Variants in KIF6 observed in about 807,000 individuals in gnomAD.
KIF6 encodes kinesin family member 6.
Under a neutral mutation model 112.7 loss-of-function variants are expected in KIF6, and 106 were observed. The observed-to-expected ratio is 0.94, with a 90% CI of 0.80 to 1.11. The LOEUF is 1.11. KIF6 is among the 50% of genes least tolerant of loss of function. The pLI, the probability that KIF6 is intolerant of heterozygous loss-of-function variation, is 0.00. For missense variants in KIF6, 929 were observed against 964.0 expected (o/e 0.96, Z 0.48); for synonymous variants, 339 against 339.9 (o/e 1.00, Z 0.03).
chr6:39,346,163 T>TCTCTCTCTC (rs1763789592), intron 20 of KIF6, among the ~76,000 whole-genome samples: 1 of 94,694 alleles, frequency 1.1e-5, no homozygotes, highest in African/African-American at 4.4e-5. Context: ...CTCTCTCTCT[T>TCTCTCTCTC]TCTCTCCTAT....
At chr6:39,593,927 C>T (rs373016484) in intron 7 of KIF6, among the ~76,000 whole-genome samples, 7 of 152,214 alleles carry the variant, frequency 4.6e-5, no homozygotes, top group South Asian at 2.1e-4. Context: ...TTAAAGATTA[C>T]ATCTTTAATT....
chr6:39,419,196 T>G (rs890970579), intron 15 of KIF6, among the ~76,000 whole-genome samples: 1 of 151,248 alleles, frequency 6.6e-6, no homozygotes, highest in Non-Finnish European at 1.5e-5. Flanking sequence ...TCTACTAAAA[T>G]CACAAAAATT....
chr6:39,439,956 TTGACAAAAGTACAA>T (rs1479259342), intron 13 of KIF6, among the ~76,000 whole-genome samples: 1 of 152,360 alleles, frequency 6.6e-6, no homozygotes, highest in East Asian at 1.9e-4. Context: ...TGCTTAAAAA[TTGACAAAAGTACAA>T]TGATGGAGAG....
At chr6:39,401,662 A>G (rs1386533784) in intron 15 of KIF6, among the ~76,000 whole-genome samples, 3 of 151,724 alleles carry the variant, frequency 2.0e-5, no homozygotes, top group Admixed American at 6.6e-5. Flanking sequence ...CCTGCCCCAC[A>G]TATATCTCTT....
chr6:39,510,333 C>T (rs1031692766), intron 13 of KIF6, among the ~76,000 whole-genome samples: 6 of 152,160 alleles, frequency 3.9e-5, no homozygotes, highest in South Asian at 2.1e-4. Flanking sequence ...ACCTCATGAT[C>T]CATCTGCCTC....
At chr6:39,448,560 C>T (rs182312212) in intron 13 of KIF6, among the ~76,000 whole-genome samples, 4 of 152,166 alleles carry the variant, frequency 2.6e-5, no homozygotes, top group Non-Finnish European at 5.9e-5. Context: ...AATATGCAGT[C>T]GGTGAAACAG....
chr6:39,633,693 GCAGT>G (rs956742902), intron 5 of KIF6, among the ~76,000 whole-genome samples: 5 of 152,196 alleles, frequency 3.3e-5, no homozygotes, highest in African/African-American at 9.6e-5. Flanking sequence ...CTAGCATTCA[GCAGT>G]CATTCTCAAT....
chr6:39,661,852 T>G (rs1209976591), intron 3 of KIF6, among the ~76,000 whole-genome samples: 1 of 152,182 alleles, frequency 6.6e-6, no homozygotes, highest in African/African-American at 2.4e-5. Context: ...GAGCCATCTT[T>G]GAAAAATACA....
At chr6:39,550,860 A>G (rs879167137) in intron 10 of KIF6, among the ~76,000 whole-genome samples, 36 of 152,238 alleles carry the variant, frequency 2.4e-4, no homozygotes, top group Admixed American at 9.2e-4. Flanking sequence ...CTAAAGCTAC[A>G]TATTACCTGA....
intron 16 of KIF6, among the ~76,000 whole-genome samples, chr6:39,376,921 G>A (rs1766485104): frequency 6.6e-6 from 1 of 152,174 alleles, no homozygotes; most frequent in South Asian, 2.1e-4. Flanking sequence ...TTGAGTGGGC[G>A]AGAATCCCAA....
At chr6:39,535,963 A>C (rs987561907) in intron 13 of KIF6, among the ~76,000 whole-genome samples, 32 of 152,188 alleles carry the variant, frequency 2.1e-4, no homozygotes, top group Admixed American at 6.6e-4. Flanking sequence ...CTGAATGACT[A>C]CTGGGTACAT....
chr6:39,608,129 G>A (rs1782995327), intron 6 of KIF6, among the ~76,000 whole-genome samples: 1 of 152,144 alleles, frequency 6.6e-6, no homozygotes. Flanking sequence ...ACTTCCACAA[G>A]GTCATACAAC....
At position 39,578,097 on chromosome 6, in the gene KIF6, C is replaced by T. The variant is rs1582180001; in HGVS notation, c.1140G>A (p.Gly380=). The change falls in exon 10 of 23, where the codon GGG becomes GGA. Residue 380 remains glycine, a synonymous_variant. Transcript: ENST00000287152. ...ELKDELAMVT[G]EQRTEALTEA... The stretch of plus-strand genomic sequence containing the variant: ...CTGTGAGTGCCTCTGTCCTCTGCTC[C>T]CCAGTGACCATGGCCAGTTCATCCT... 1 of 1,613,936 alleles carries T rather than the reference C, an allele frequency of 6.2e-7. No homozygotes were observed. The highest frequency in any genetic ancestry group is 2.2e-5 in the East Asian group (1 of 44,894).
Position 39,343,911 on chromosome 6 carries a change from A to C in KIF6, c.2322-96T>G. 4.5e-6 allele frequency: 3 copies of C among 670,054 alleles called. No individual in the cohort carries two copies. The highest frequency in any genetic ancestry group is 7.5e-6 in the Non-Finnish European group (3 of 397,850). The allele number at this position is 670,054 out of a possible 1,614,324, so 41.5% of individuals were successfully genotyped here. A position where few individuals can be genotyped will look rare whatever the true frequency, so the allele number is the denominator to read the frequency against. On this transcript the variant is annotated intron_variant, in intron 21 of 22. Transcript: ENST00000287152. This position sits in a 1 kb window ranked among gnomAD's most constrained non-coding sequence, Gnocchi z 4.1. ...TTTTCCATTTTAGGTGACTGATCTC[A>C]CTCAGAAAGCTACATGACACGGCTG... is the stretch of plus-strand genomic sequence containing the variant.
At chr6:39,404,772 G>A (rs538383824) in intron 15 of KIF6, among the ~76,000 whole-genome samples, 7 of 152,144 alleles carry the variant, frequency 4.6e-5, no homozygotes, top group South Asian at 4.1e-4. Context: ...AATTGACATC[G>A]TTCCTATATT....
intron 3 of KIF6, among the ~76,000 whole-genome samples, chr6:39,686,150 C>A (rs913959717): frequency 1.3e-5 from 2 of 152,150 alleles, no homozygotes; most frequent in African/African-American, 4.8e-5. Context: ...CTTCTTAAGT[C>A]TTTGCCAGGA....
At chr6:39,643,597 C>T (rs1447820754) in intron 3 of KIF6, among the ~76,000 whole-genome samples, 1 of 152,108 alleles carries the variant, frequency 6.6e-6, no homozygotes, top group Non-Finnish European at 1.5e-5. Flanking sequence ...AACAAATGAT[C>T]CTTGGACAAC....
At chr6:39,654,774 T>C (rs774093445) in intron 3 of KIF6, among the ~76,000 whole-genome samples, 9 of 152,194 alleles carry the variant, frequency 5.9e-5, no homozygotes, top group Admixed American at 1.3e-4. Context: ...ATAATTGGCT[T>C]AATATTCTAC....
intron 13 of KIF6, among the ~76,000 whole-genome samples, chr6:39,438,389 T>C (rs185581056): frequency 4.6e-5 from 7 of 152,304 alleles, no homozygotes; most frequent in East Asian, 1.9e-4. Context: ...ATTGTTATCA[T>C]AGGAGATGAG....
Sources: gnomAD v4.1 joint callset for allele counts (sites outside exome capture counted in the v4.1 genomes callset) on GRCh38, gnomAD v4.1.1 for gene constraint, Gnocchi (gnomAD v3.1) non-coding constraint, MANE v1.5 for transcripts, NCBI Gene and HGNC (gene_info 2026-07-23, HGNC 2026-07-21) for gene names.